The following ASTN1 variants were observed in gnomAD, a reference collection of about 807,000 sequenced individuals.
ASTN1 encodes astrotactin-1.
A neutral mutation model predicts 140.7 loss-of-function variants in ASTN1; 41 were observed. That is an observed-to-expected ratio of 0.29 (90% confidence interval 0.23 to 0.38). The LOEUF (loss-of-function observed/expected upper bound fraction) is 0.38, where lower values mean the gene tolerates loss of function less well. Ranked by LOEUF, ASTN1 falls within the 10% of genes least tolerant of loss-of-function variation. ASTN1 has a pLI of 1.00. For synonymous variants in ASTN1, 640 were observed against 652.2 expected (o/e 0.98, Z 0.29); for missense variants, 1,479 against 1,678.8 (o/e 0.88, Z 2.08).
intron 1 of ASTN1, among the ~76,000 whole-genome samples, chr1:177,083,186 C>A (rs907378141): frequency 6.6e-6 from 1 of 151,882 alleles, no homozygotes; most frequent in Admixed American, 6.6e-5. Context: ...GGTTTAGTGA[C>A]CTGGTGACAG....
chr1:177,046,415 C>T (rs1024188397), intron 2 of ASTN1, among the ~76,000 whole-genome samples: 11 of 152,154 alleles, frequency 7.2e-5, no homozygotes, highest in South Asian at 4.1e-4. Context: ...GACCAGCCAT[C>T]GTGACACTGT....
At chr1:177,070,844 C>A (rs1425693136) in intron 1 of ASTN1, among the ~76,000 whole-genome samples, 1 of 152,150 alleles carries the variant, frequency 6.6e-6, no homozygotes, top group Non-Finnish European at 1.5e-5. Flanking sequence ...TTCATTCCCT[C>A]ACTTTGCAAA....
intron 1 of ASTN1, among the ~76,000 whole-genome samples, chr1:177,141,164 T>C (rs1682453067): frequency 6.6e-6 from 1 of 152,138 alleles, no homozygotes; most frequent in African/African-American, 2.4e-5. Context: ...TGCAGTGAAC[T>C]GAGGTCGTGC....
intron 9 of ASTN1, among the ~76,000 whole-genome samples, chr1:176,962,941 G>A (rs1468383241): frequency 1.3e-5 from 2 of 152,204 alleles, no homozygotes; most frequent in East Asian, 1.9e-4. Flanking sequence ...GAAATAGTAG[G>A]TGTTCAATAG....
Position 176,957,504 on chromosome 1 carries a change from T to C in ASTN1, c.1887+174A>G, listed in dbSNP as rs572929917. Among the ~76,000 whole-genome samples, 13 of 152,294 alleles carry C rather than the reference T, an allele frequency of 8.5e-5. No homozygotes were observed. In the South Asian group the frequency reaches 2.7e-3, roughly 32 times the overall value. On this transcript the variant is annotated intron_variant, in intron 11 of 22. Transcript: ENST00000361833. ...ACTCCATAACAACTTCTCGACTAAC[T>C]GATTCATGATTACCTTCTCATCCTT...
intron 1 of ASTN1, among the ~76,000 whole-genome samples, chr1:177,107,891 A>T: frequency 6.6e-6 from 1 of 152,168 alleles, no homozygotes; most frequent in East Asian, 1.9e-4. Flanking sequence ...AAAAAAGGAG[A>T]ATGGAAAGCA....
chr1:177,010,602 T>C (rs1675241465), intron 8 of ASTN1, among the ~76,000 whole-genome samples: 1 of 152,228 alleles, frequency 6.6e-6, no homozygotes, highest in African/African-American at 2.4e-5. Context: ...ATTTGCCATC[T>C]GGACCCTGTC....
chr1:177,120,243 A>G (rs1208726775), intron 1 of ASTN1, among the ~76,000 whole-genome samples: 1 of 152,186 alleles, frequency 6.6e-6, no homozygotes, highest in Admixed American at 6.5e-5. Flanking sequence ...AATCACACTC[A>G]CCTTAAAACA....
intron 11 of ASTN1, among the ~76,000 whole-genome samples, chr1:176,957,335 A>G (rs1672450884): frequency 6.6e-6 from 1 of 152,076 alleles, no homozygotes; most frequent in South Asian, 2.1e-4. Context: ...TCCTGGCATA[A>G]CTTACTTCTT....
chr1:177,117,590 T>A (rs1681156621), intron 1 of ASTN1, among the ~76,000 whole-genome samples: 1 of 152,192 alleles, frequency 6.6e-6, no homozygotes, highest in Admixed American at 6.5e-5. Flanking sequence ...TCTTCAAGCA[T>A]CATCAGTGAT....
intron 16 of ASTN1, among the ~76,000 whole-genome samples, chr1:176,930,442 T>C (rs1267618686): frequency 6.6e-6 from 1 of 151,974 alleles, no homozygotes; most frequent in African/African-American, 2.4e-5. Flanking sequence ...CGCCCAGCAG[T>C]AGGAGGGAGA....
intron 20 of ASTN1, among the ~76,000 whole-genome samples, chr1:176,882,505 C>T (rs1571452223): frequency 1.3e-5 from 2 of 152,230 alleles, no homozygotes; most frequent in South Asian, 4.2e-4. Context: ...TAGATGACAT[C>T]CACTCTAGTT....
In ASTN1 at chr1:177,024,617, G is replaced by A; in HGVS notation, c.1236C>T (p.Ile412=). ...TCAGGTGCTCAGGGACATGCAGGGT[G>A]ATCTTGACAACGAGAGGGCAGTTGA... ...SHVNCPLVVK[I]TLHVPEHLIA... Residue 412 remains isoleucine, a synonymous_variant, in exon 6 of 23, where the codon ATC becomes ATT. Coordinates refer to ENST00000361833, the MANE Select transcript of ASTN1 (RefSeq NM_004319.3). 6.2e-7 allele frequency: 1 copy of A among 1,614,078 alleles called. No individual in the cohort carries two copies. The highest frequency in any genetic ancestry group is 2.2e-5 in the East Asian group (1 of 44,856).
chr1:176,951,604 TCTC>T (rs1394735026), intron 11 of ASTN1, among the ~76,000 whole-genome samples: 2 of 152,140 alleles, frequency 1.3e-5, no homozygotes, highest in Non-Finnish European at 2.9e-5. Context: ...TTTTCAGAGT[TCTC>T]CTTCAAGCAT....
intron 14 of ASTN1, among the ~76,000 whole-genome samples, chr1:176,942,992 A>G (rs1382868200): frequency 1.3e-5 from 2 of 150,686 alleles, no homozygotes; most frequent in African/African-American, 2.4e-5. Flanking sequence ...TGGCAAAATG[A>G]ACTTTCTAAA....
At chr1:176,965,363 G>C in intron 8 of ASTN1, 126 bp from the exon 9 acceptor site, 1 of 794,116 alleles carries the variant, frequency 1.3e-6, no homozygotes, top group Non-Finnish European at 2.0e-6. Flanking sequence ...CTGCCCTCAA[G>C]AAGCTCACTA....
In ASTN1 at chr1:176,861,774, CA is replaced by C; in HGVS notation, c.*2509del. On this transcript the variant is annotated 3_prime_UTR_variant, in exon 23 of 23. Coordinates refer to ENST00000361833, the MANE Select transcript of ASTN1 (RefSeq NM_004319.3). ...AGAAAGTCTTGGGGAAAGAGGAGGC[CA>C]AAAAAGGAGGGTCACAGAAAGAAGA... The C allele has an allele frequency of 1.0e-6, 1 of 984,394 alleles. No individual in the cohort carries two copies. The highest frequency in any genetic ancestry group is 1.2e-6 in the Non-Finnish European group (1 of 829,794). 61.0% of individuals were successfully genotyped at this position (984,394 alleles called of 1,614,324 possible).
chr1:177,137,900 T>C (rs1682274189), intron 1 of ASTN1, among the ~76,000 whole-genome samples: 1 of 152,118 alleles, frequency 6.6e-6, no homozygotes, highest in Non-Finnish European at 1.5e-5. Context: ...CATTTATGGG[T>C]CTTAGAATAG....
intron 16 of ASTN1, among the ~76,000 whole-genome samples, chr1:176,905,090 C>G (rs1245061167): frequency 6.6e-6 from 1 of 152,212 alleles, no homozygotes; most frequent in Non-Finnish European, 1.5e-5. Context: ...GCTCCTGCCT[C>G]AACATCTCTC....
Sources: allele counts gnomAD v4.1 joint callset (sites outside exome capture counted in the v4.1 genomes callset), GRCh38; gene constraint gnomAD v4.1.1; transcripts MANE v1.5; gene names NCBI Gene and HGNC (gene_info 2026-07-23, HGNC 2026-07-21).